DGKB: variants seen among roughly 807,000 people sequenced by gnomAD.
DGKB encodes the protein 90 kDa diacylglycerol kinase.
A neutral mutation model predicts 114.3 loss-of-function variants in DGKB; 67 were observed. The observed-to-expected ratio is 0.59, with a 90% CI of 0.48 to 0.72. The LOEUF (loss-of-function observed/expected upper bound fraction) is 0.72. Ranked by LOEUF, DGKB falls within the 30% of genes least tolerant of loss-of-function variation. DGKB has a pLI of 0.00. For synonymous variants in DGKB, 398 were observed against 323.1 expected, an observed-to-expected ratio of 1.23 and a Z score of -2.49; for missense variants, 907 against 975.2, an observed-to-expected ratio of 0.93 and a Z score of 0.93.
intron 21 of DGKB, among the ~76,000 whole-genome samples, chr7:14,422,628 T>C (rs2128767395): frequency 6.6e-6 from 1 of 152,128 alleles, no homozygotes; most frequent in East Asian, 1.9e-4. Context: ...GTCTTAAAGT[T>C]CTATTTCTCT....
intron 4 of DGKB, among the ~76,000 whole-genome samples, chr7:14,748,766 A>C (rs570254292): frequency 3.0e-3 from 458 of 152,324 alleles, no homozygotes; most frequent in African/African-American, 0.01. Flanking sequence ...TGTATCAGAC[A>C]AAAGATAGCC....
chr7:14,535,867 G>A (rs573849702), intron 20 of DGKB, among the ~76,000 whole-genome samples: 25 of 152,216 alleles, frequency 1.6e-4, no homozygotes, highest in Admixed American at 1.6e-3. Flanking sequence ...TTATAGGCAT[G>A]AGCCACTGCA....
intron 21 of DGKB, among the ~76,000 whole-genome samples, chr7:14,385,455 C>T (rs1820176753): frequency 6.6e-6 from 1 of 152,178 alleles, no homozygotes; most frequent in Non-Finnish European, 1.5e-5. Context: ...ATCTTCTAAA[C>T]AGTTTTTCAT....
At chr7:14,658,742 TAATA>T (rs1392666401) in intron 13 of DGKB, among the ~76,000 whole-genome samples, 12 of 151,906 alleles carry the variant, frequency 7.9e-5, no homozygotes, top group Non-Finnish European at 1.3e-4. Flanking sequence ...TTTATAATTT[TAATA>T]AATATGATTT....
At chr7:14,838,522 C>T (rs1177639007) in intron 2 of DGKB, among the ~76,000 whole-genome samples, 4 of 151,644 alleles carry the variant, frequency 2.6e-5, no homozygotes, top group African/African-American at 9.7e-5. Context: ...AATTTCAGAT[C>T]ACTCTCTCTC....
chr7:14,924,097 T>G (rs1230429616), intron 1 of DGKB, among the ~76,000 whole-genome samples: 1 of 150,918 alleles, frequency 6.6e-6, no homozygotes. Flanking sequence ...AACTGAGCTC[T>G]AATGACACTC....
At chr7:14,781,930 G>A (rs1367932291) in intron 2 of DGKB, among the ~76,000 whole-genome samples, 1 of 151,800 alleles carries the variant, frequency 6.6e-6, no homozygotes, top group African/African-American at 2.4e-5. Flanking sequence ...CTTCCTTCCA[G>A]GAAGACACAG....
intron 20 of DGKB, among the ~76,000 whole-genome samples, chr7:14,556,414 T>C (rs1288184291): frequency 6.6e-6 from 1 of 152,126 alleles, no homozygotes; most frequent in Admixed American, 6.5e-5. Context: ...CAAATATTAA[T>C]AGCTGATTTC....
chr7:14,427,889 C>A lies in DGKB; in HGVS notation c.1835+50272G>T, dbSNP rs796558322. 2.6e-5 allele frequency among the ~76,000 whole-genome samples: 4 copies of A among 151,994 alleles called. 1 individual carries two copies. The South Asian group carries it at 8.3e-4, about 32-fold the overall frequency. On this transcript the variant is annotated intron_variant, in intron 21 of 25. Coordinates refer to ENST00000402815, the MANE Select transcript of DGKB (RefSeq NM_001350709.2). ...CACAATGTTTTAGAATACATTTGGCCCTATAAAACTGTAGATTCAAGTCTA... is the reference window on the plus strand; with the variant it reads ...CACAATGTTTTAGAATACATTTGGCACTATAAAACTGTAGATTCAAGTCTA...
chr7:14,536,980 G>A (rs924553246), intron 20 of DGKB, among the ~76,000 whole-genome samples: 3 of 152,066 alleles, frequency 2.0e-5, no homozygotes, highest in Non-Finnish European at 4.4e-5. Flanking sequence ...TTACAAGATA[G>A]GTAGTAAACA....
At chr7:14,437,273 A>G (rs1829417499) in intron 21 of DGKB, among the ~76,000 whole-genome samples, 1 of 141,362 alleles carries the variant, frequency 7.1e-6, no homozygotes, top group Non-Finnish European at 1.6e-5. Flanking sequence ...TTATTAATTT[A>G]GTAACCAAGT....
chr7:14,724,459 C>T (rs1273120946), intron 5 of DGKB, among the ~76,000 whole-genome samples: 2 of 152,156 alleles, frequency 1.3e-5, no homozygotes, highest in Admixed American at 6.5e-5. Flanking sequence ...AGAAGACAGA[C>T]TGTGAGATAC....
At chr7:14,352,897 T>C (rs1813741674) in intron 21 of DGKB, among the ~76,000 whole-genome samples, 1 of 152,090 alleles carries the variant, frequency 6.6e-6, no homozygotes, top group Admixed American at 6.5e-5. Flanking sequence ...CACTTCAGCC[T>C]GGGCAACAAG....
At chr7:14,353,348 G>A (rs889467588) in intron 21 of DGKB, among the ~76,000 whole-genome samples, 3 of 152,174 alleles carry the variant, frequency 2.0e-5, no homozygotes, top group African/African-American at 7.2e-5. Context: ...AATGGAACCT[G>A]AGGGAAGTAT....
At chr7:14,723,816 A>G (rs1011818596) in intron 5 of DGKB, among the ~76,000 whole-genome samples, 1 of 152,188 alleles carries the variant, frequency 6.6e-6, no homozygotes, top group Non-Finnish European at 1.5e-5. Context: ...CATTAGTCAT[A>G]TCGAATGTTG....
intron 5 of DGKB, among the ~76,000 whole-genome samples, chr7:14,730,918 C>T (rs1442925820): frequency 1.3e-5 from 2 of 152,050 alleles, no homozygotes; most frequent in Non-Finnish European, 2.9e-5. Flanking sequence ...TTTAGAAACC[C>T]AGGAGTAATA....
At chr7:14,177,014 A>G in intron 24 of DGKB, 115 bp from the exon 25 acceptor site, 1 of 1,163,906 alleles carries the variant, frequency 8.6e-7, no homozygotes. Flanking sequence ...GTTGGGCTCT[A>G]AATTTATCTC....
At chr7:14,319,495 T>C (rs1456818487) in intron 23 of DGKB, among the ~76,000 whole-genome samples, 1 of 152,186 alleles carries the variant, frequency 6.6e-6, no homozygotes, top group Non-Finnish European at 1.5e-5. Context: ...TGAATACATA[T>C]TTTAATAATT....
At chr7:14,508,136 C>T (rs1787392137) in intron 20 of DGKB, among the ~76,000 whole-genome samples, 2 of 152,098 alleles carry the variant, frequency 1.3e-5, no homozygotes, top group South Asian at 2.1e-4. Flanking sequence ...GAGAAACGTG[C>T]ATCTTGTCTT....
Sources: gnomAD v4.1 joint callset for allele counts (sites outside exome capture counted in the v4.1 genomes callset) on GRCh38, gnomAD v4.1.1 for gene constraint, MANE v1.5 for transcripts, NCBI Gene and HGNC (gene_info 2026-07-23, HGNC 2026-07-21) for gene names.